The following TAF5L variants were observed in gnomAD, a reference collection of about 807,000 sequenced individuals.
The protein encoded by TAF5L is TAF5-like RNA polymerase II p300/CBP-associated factor-associated factor 65 kDa subunit 5L.
In TAF5L, 7 loss-of-function variants were observed where a neutral mutation model predicts 51.3. The ratio of observed to expected loss-of-function variants is 0.14; its 90% CI spans 0.08 to 0.26. TAF5L has a LOEUF of 0.26. TAF5L is among the 10% of genes least tolerant of loss of function. The probability of loss-of-function intolerance (pLI) is 1.00; values close to 1 mark genes in which losing one functional copy is unlikely to be tolerated. For missense variants in TAF5L, 575 were observed against 758.9 expected (o/e 0.76, Z 2.85); for synonymous variants, 291 against 308.1 (o/e 0.94, Z 0.58).
intron 4 of TAF5L, chr1:229,601,665 A>AT (rs1664378234): frequency 1.0e-6 from 1 of 989,938 alleles, no homozygotes; most frequent in South Asian, 4.6e-5. Context: ...GAGCCACAGG[A>AT]TATGCACTGG....
chr1:229,597,898 C>T (rs970604345), intron 4 of TAF5L, among the ~76,000 whole-genome samples: 1 of 152,186 alleles, frequency 6.6e-6, no homozygotes, highest in Non-Finnish European at 1.5e-5. Context: ...CTCCTGGACT[C>T]TGAGGCTCCA....
rs1664022003 is a variant in TAF5L at position 229,594,121 on chromosome 1, A to G, written c.*176T>C. On this transcript the variant is annotated 3_prime_UTR_variant, in exon 5 of 5. Coordinates refer to ENST00000258281, the Ensembl canonical transcript of TAF5L. This position sits in a 1 kb window ranked among gnomAD's most constrained non-coding sequence, Gnocchi z 7.9. ...TGCCTCTCTCCTGTTCCCCTCCCCA[A>G]CCTTGGCCTTCGACACTGGGGGGCT... 4.4e-6 allele frequency: 3 copies of G among 684,478 alleles called. No homozygotes were observed. The highest frequency in any genetic ancestry group is 2.0e-5 in the South Asian group (1 of 51,268). 42.4% of individuals were successfully genotyped at this position (684,478 alleles called of 1,614,324 possible).
At chr1:229,611,568 T>A (rs1391793459) in intron 2 of TAF5L, among the ~76,000 whole-genome samples, 1 of 152,126 alleles carries the variant, frequency 6.6e-6, no homozygotes, top group Non-Finnish European at 1.5e-5. Context: ...CAAGCCTGCA[T>A]GCAAGGGAGG....
Position 229,598,690 on chromosome 1 carries a change from CTT to C in TAF5L, c.972+3503_972+3504del, listed in dbSNP as rs71563413. On this transcript the variant is annotated intron_variant, in intron 4 of 4. Transcript: ENST00000258281. ...CAACAGGGGTAAGGGTTGGATATCT[CTT>C]TTTTTTTTTTTTTTCTTTTTTTTTG... is the stretch of plus-strand genomic sequence containing the variant. Among the ~76,000 whole-genome samples the C allele has an allele frequency of 1.1e-3, 160 of 141,384 alleles. 1 individual carries two copies. Among genetic ancestry groups the C allele is most frequent in the African/African-American group, 1.8e-3 (68 of 38,038 alleles). The allele number at this position is 141,384 out of a possible 152,430, so 92.8% of individuals were successfully genotyped here.
At chr1:229,605,108 G>GTATGTGTATATATATATATA (rs1553270421) in intron 3 of TAF5L, among the ~76,000 whole-genome samples, 10 of 118,608 alleles carry the variant, frequency 8.4e-5, no homozygotes, top group African/African-American at 2.9e-4. Flanking sequence ...ATTTTTGTAT[G>GTATGTGTATATATATATATA]TATATATATA....
Position 229,602,866 on chromosome 1 carries a change from C to T in TAF5L, c.301G>A (p.Val101Ile), listed in dbSNP as rs1255131868. The change falls in exon 4 of 5, where the codon GTC (valine) becomes ATC (isoleucine). Residue 101 changes from valine to isoleucine, a missense_variant. Around this residue, in one of 3 missense-constraint regions of TAF5L, gnomAD observed 380 missense variants for 443.7 expected, o/e 0.86. Transcript: ENST00000258281. This position sits in a 1 kb window ranked among gnomAD's most constrained non-coding sequence, Gnocchi z 4.6. ...TGGACCAGGTTGAGATGGAGGTAGA[C>T]AAAGAGAGGATAGAGGAGAGGCATC... 1 of 1,608,670 alleles carries T rather than the reference C, an allele frequency of 6.2e-7. No individual in the cohort carries two copies. The highest frequency in any genetic ancestry group is 1.1e-5 in the South Asian group (1 of 91,054).
chr1:229,611,339 G>A (rs1664779390), intron 2 of TAF5L, among the ~76,000 whole-genome samples: 1 of 152,148 alleles, frequency 6.6e-6, no homozygotes, highest in Non-Finnish European at 1.5e-5. Context: ...GAACACCGGG[G>A]AAAGAAGGTG....
intron 2 of TAF5L, among the ~76,000 whole-genome samples, chr1:229,613,415 T>C (rs1363304330): frequency 1.4e-5 from 2 of 147,288 alleles, no homozygotes; most frequent in African/African-American, 5.0e-5. Flanking sequence ...ACTCACAAAA[T>C]AGCTAACAAT....
intron 4 of TAF5L, among the ~76,000 whole-genome samples, chr1:229,597,051 G>A (rs1345746716): frequency 6.6e-6 from 1 of 152,172 alleles, no homozygotes; most frequent in Non-Finnish European, 1.5e-5. Context: ...GGTCTACTGA[G>A]TGCTACCAAG....
chr1:229,607,548 T>C (rs531349561), intron 3 of TAF5L: 1 of 937,602 alleles, frequency 1.1e-6, no homozygotes, highest in African/African-American at 1.8e-5. Context: ...ATCCTTCAAG[T>C]GCTGACTTAA....
rs1664054750 is a variant in TAF5L, at chr1:229,594,769, T to C, written c.1298A>G (p.Lys433Arg). The C allele has an allele frequency of 3.1e-6, 5 of 1,614,100 alleles. No homozygotes were observed. The highest frequency in any genetic ancestry group is 1.7e-5 in the Admixed American group (1 of 60,014). ...CAAGTAGTTTGAATTAGGGTGGAATTTGACACAGTCCACATCTGCCAGGTG... is the reference window on the plus strand; with the variant it reads ...CAAGTAGTTTGAATTAGGGTGGAATCTGACACAGTCCACATCTGCCAGGTG... The change falls in exon 5 of 5, where the codon AAA (lysine) becomes AGA (arginine). Residue 433 changes from lysine to arginine, a missense_variant. Around this residue, in one of 3 missense-constraint regions of TAF5L, gnomAD observed 104 missense variants for 218.3 expected, o/e 0.48. Coordinates refer to ENST00000258281, the Ensembl canonical transcript of TAF5L. This position sits in a 1 kb window ranked among gnomAD's most constrained non-coding sequence, Gnocchi z 7.9.
chr1:229,607,499 CT>C (rs1282292692), intron 3 of TAF5L: 1 of 983,126 alleles, frequency 1.0e-6, no homozygotes, highest in Non-Finnish European at 1.2e-6. Flanking sequence ...CAAATTACTC[CT>C]CTTCCTCCTC....
chr1:229,600,542 C>G, intron 4 of TAF5L: 1 of 985,506 alleles, frequency 1.0e-6, no homozygotes, highest in South Asian at 4.7e-5. Flanking sequence ...GAGCTCTTCT[C>G]TAGTCCATCC....
intron 3 of TAF5L, among the ~76,000 whole-genome samples, chr1:229,608,010 AGAC>A (rs988959295): frequency 1.7e-4 from 26 of 152,368 alleles, no homozygotes; most frequent in African/African-American, 6.3e-4. Flanking sequence ...AATGGTTGAT[AGAC>A]TATAATCTTT....
At chr1:229,600,628 T>C in intron 4 of TAF5L, 2 of 985,440 alleles carry the variant, frequency 2.0e-6, no homozygotes. Flanking sequence ...ACTACATCAC[T>C]TCCTGTCTTG....
At chr1:229,610,395 C>T (rs1394236180) in intron 2 of TAF5L, among the ~76,000 whole-genome samples, 185 bp from the exon 3 acceptor site, 1 of 152,174 alleles carries the variant, frequency 6.6e-6, no homozygotes, top group African/African-American at 2.4e-5. Flanking sequence ...GTTTCTCTCC[C>T]CTCCCTCCTG....
intron 1 of TAF5L, among the ~76,000 whole-genome samples, chr1:229,618,701 C>T (rs1324900408): frequency 6.6e-6 from 1 of 152,188 alleles, no homozygotes; most frequent in Middle Eastern, 3.2e-3. Flanking sequence ...CAGTGTGGAA[C>T]TCTAGTCTGG....
chr1:229,595,779 C>T (rs1321533695), intron 4 of TAF5L, among the ~76,000 whole-genome samples: 1 of 152,172 alleles, frequency 6.6e-6, no homozygotes, highest in Non-Finnish European at 1.5e-5. Flanking sequence ...GATTCTCCTG[C>T]CTCAGCATCC....
At chr1:229,599,652 G>T in intron 4 of TAF5L, 1 of 226,664 alleles carries the variant, frequency 4.4e-6, no homozygotes, top group Non-Finnish European at 7.3e-6. Context: ...TCCACTGCAT[G>T]CACACACTAC....
Sources: allele counts gnomAD v4.1 joint callset (sites outside exome capture counted in the v4.1 genomes callset), GRCh38; gene constraint gnomAD v4.1.1; regional missense constraint gnomAD v4.1.1; non-coding constraint Gnocchi (gnomAD v3.1); transcripts MANE v1.5; gene names NCBI Gene and HGNC (gene_info 2026-07-23, HGNC 2026-07-21).